The following NCALD variants were observed in gnomAD, a reference collection of about 807,000 sequenced individuals.
NCALD encodes neurocalcin delta.
A neutral mutation model predicts 18.6 loss-of-function variants in NCALD; 10 were observed. That is an observed-to-expected ratio of 0.54 (90% CI 0.33 to 0.91). The LOEUF (loss-of-function observed/expected upper bound fraction) is 0.91, where lower values mean the gene tolerates loss of function less well. Ranked by LOEUF, NCALD falls within the 40% of genes least tolerant of loss-of-function variation. NCALD has a pLI of 0.03. For missense variants in NCALD, 184 were observed against 247.6 expected (o/e 0.74, Z 1.72); for synonymous variants, 88 against 87.4 (o/e 1.01, Z -0.04).
Position 101,894,969 on chromosome 8 carries a change from C to T in NCALD, c.-106-7742G>A, listed in dbSNP as rs374448154. Among the ~76,000 whole-genome samples, 516 of 148,516 alleles carry T rather than the reference C, an allele frequency of 3.5e-3. 2 individuals carry two copies. Among genetic ancestry groups the T allele is most frequent in the African/African-American group, 0.012 (475 of 38,084 alleles). ...ACTGGTACCATTCCTTCTGAAACTA[C>T]TCCAATCAATAGAAAAAGAGGGAAT... On this transcript the variant is annotated intron_variant, in intron 3 of 6. Coordinates refer to the NCALD transcript ENST00000311028.
intron 2 of NCALD, among the ~76,000 whole-genome samples, chr8:101,955,977 G>A (rs768835750): frequency 2.0e-4 from 31 of 152,126 alleles, no homozygotes; most frequent in Middle Eastern, 3.4e-3. Context: ...AGAAAAAAAC[G>A]TACAGAGAAA....
intron 2 of NCALD, among the ~76,000 whole-genome samples, chr8:101,697,036 A>G (rs970797555): frequency 1.3e-5 from 2 of 152,190 alleles, no homozygotes; most frequent in Non-Finnish European, 2.9e-5. Flanking sequence ...AATTAACAAA[A>G]TAGACCACTA....
Position 102,059,135 on chromosome 8 carries a change from A to T in NCALD, c.-209-38846T>A, listed in dbSNP as rs539168074. Among the ~76,000 whole-genome samples the T allele has an allele frequency of 2.6e-5, 4 of 152,334 alleles. No homozygotes were observed. In the South Asian group the frequency reaches 8.3e-4, roughly 32 times the overall value. On this transcript the variant is annotated intron_variant, in intron 1 of 6. Transcript: ENST00000311028. Reference sequence around the variant, plus strand: ...TTTGTGGTAGTTTATTATAGCAAATATAGTTCCGTATGTATTCCCCTTTAC... The same window carrying T: ...TTTGTGGTAGTTTATTATAGCAAATTTAGTTCCGTATGTATTCCCCTTTAC...
intron 2 of NCALD, among the ~76,000 whole-genome samples, chr8:101,959,167 AG>A (rs1403206874): frequency 1.3e-5 from 2 of 152,208 alleles, no homozygotes; most frequent in African/African-American, 4.8e-5. Flanking sequence ...AATCTGCAAC[AG>A]ATTCTTGTCC....
At chr8:101,983,009 A>G (rs1363853920) in intron 2 of NCALD, among the ~76,000 whole-genome samples, 2 of 152,176 alleles carry the variant, frequency 1.3e-5, no homozygotes, top group African/African-American at 4.8e-5. Flanking sequence ...CTGAGTATGC[A>G]GAGTCTAAAC....
intron 1 of NCALD, among the ~76,000 whole-genome samples, chr8:101,773,284 C>T (rs1811660000): frequency 6.6e-6 from 1 of 152,162 alleles, no homozygotes; most frequent in African/African-American, 2.4e-5. Context: ...GCACCCCTCC[C>T]TCACCAGTCA....
intron 2 of NCALD, chr8:101,693,868 G>A (rs1586219048): frequency 6.6e-6 from 1 of 152,330 alleles, no homozygotes; most frequent in East Asian, 1.9e-4. Flanking sequence ...CTTCCAGGCA[G>A]TCCTGAGATG....
At chr8:101,781,390 G>C (rs931926733) in intron 1 of NCALD, among the ~76,000 whole-genome samples, 1 of 152,064 alleles carries the variant, frequency 6.6e-6, no homozygotes, top group African/African-American at 2.4e-5. Context: ...AGAGCTCAGG[G>C]CTCACCAAGG....
At chr8:101,728,103 T>C (rs1043540843) in intron 1 of NCALD, among the ~76,000 whole-genome samples, 1 of 152,126 alleles carries the variant, frequency 6.6e-6, no homozygotes, top group African/African-American at 2.4e-5. Flanking sequence ...GGAACTACTA[T>C]CAGGAATCTA....
chr8:102,104,778 A>G (rs556632467), intron 1 of NCALD, among the ~76,000 whole-genome samples: 2 of 152,312 alleles, frequency 1.3e-5, no homozygotes, highest in East Asian at 3.9e-4. Flanking sequence ...ATGTGCTTCA[A>G]TGCATGTGTG....
chr8:101,952,072 C>T (rs577028580), intron 2 of NCALD, among the ~76,000 whole-genome samples: 3 of 152,312 alleles, frequency 2.0e-5, no homozygotes, highest in Non-Finnish European at 4.4e-5. Flanking sequence ...GTGTTAGACC[C>T]AAGCTCCTCT....
intron 2 of NCALD, among the ~76,000 whole-genome samples, chr8:101,699,839 G>C (rs767796385): frequency 6.6e-6 from 1 of 152,062 alleles, no homozygotes; most frequent in Non-Finnish European, 1.5e-5. Context: ...TTGATGGGTT[G>C]ATAGGTGCAG....
chr8:101,991,921 C>T (rs1821064100), intron 2 of NCALD, among the ~76,000 whole-genome samples: 1 of 152,204 alleles, frequency 6.6e-6, no homozygotes. Context: ...TCACTGGGGA[C>T]TTGCCATGTC....
In NCALD at chr8:101,822,311, G is replaced by T. The variant is rs1023080056; in HGVS notation, c.-20+64830C>A. Among the ~76,000 whole-genome samples, 3 of 152,126 alleles carry T rather than the reference G, an allele frequency of 2.0e-5. No homozygotes were observed. The South Asian group carries it at 6.2e-4, about 32-fold the overall frequency. On this transcript the variant is annotated intron_variant, in intron 4 of 6. Transcript: ENST00000311028. Reference sequence around the variant, plus strand: ...GAACATTTATTCATTCACAGAGCTGGCAAGGACATGTCACACATTGCCATA... The same window carrying T: ...GAACATTTATTCATTCACAGAGCTGTCAAGGACATGTCACACATTGCCATA...
intron 1 of NCALD, among the ~76,000 whole-genome samples, chr8:101,766,042 C>G (rs1368313867): frequency 6.6e-6 from 1 of 152,194 alleles, no homozygotes; most frequent in Non-Finnish European, 1.5e-5. Context: ...CCCACATGCT[C>G]TTTATGGTCC....
chr8:102,092,035 T>C (rs1221632875), intron 1 of NCALD, among the ~76,000 whole-genome samples: 1 of 152,206 alleles, frequency 6.6e-6, no homozygotes, highest in Non-Finnish European at 1.5e-5. Context: ...AATCCCAGAC[T>C]GTTAAAGCAT....
intron 4 of NCALD, among the ~76,000 whole-genome samples, chr8:101,860,839 C>A (rs896114497): frequency 3.9e-5 from 6 of 152,050 alleles, no homozygotes; most frequent in African/African-American, 1.4e-4. Flanking sequence ...GCAGTATATG[C>A]AGACTGTTTA....
chr8:101,999,974 C>T (rs527500998), intron 2 of NCALD, among the ~76,000 whole-genome samples: 20 of 152,276 alleles, frequency 1.3e-4, no homozygotes, highest in South Asian at 1.0e-3. Context: ...AGAAGACGAA[C>T]GATTTCTGCA....
At chr8:102,044,012 T>G (rs1823150890) in intron 1 of NCALD, among the ~76,000 whole-genome samples, 1 of 152,040 alleles carries the variant, frequency 6.6e-6, no homozygotes, top group East Asian at 1.9e-4. Flanking sequence ...CTCAAATTCT[T>G]GAAATTCAAA....
Sources: allele counts gnomAD v4.1 joint callset (sites outside exome capture counted in the v4.1 genomes callset), GRCh38; gene constraint gnomAD v4.1.1; transcripts MANE v1.5; gene names NCBI Gene and HGNC (gene_info 2026-07-23, HGNC 2026-07-21).